Variants in SYN2 observed in about 807,000 individuals in gnomAD.
The protein encoded by SYN2 is synapsin II, also known as synapsin-2.
In SYN2, 19 loss-of-function variants were observed where a neutral mutation model predicts 50.9. The ratio of observed to expected loss-of-function variants is 0.37; its 90% confidence interval spans 0.26 to 0.55. SYN2 has a LOEUF of 0.55. Among genes scored for constraint, SYN2 ranks in the 20% least tolerant of loss-of-function variants. The pLI is 0.81. For missense variants in SYN2, 587 were observed against 576.4 expected, an observed-to-expected ratio of 1.02 and a Z score of -0.19; for synonymous variants, 255 against 224.9, an observed-to-expected ratio of 1.13 and a Z score of -1.20.
chr3:12,149,040 G>T (rs1047100860), intron 4 of SYN2, among the ~76,000 whole-genome samples: 8 of 152,310 alleles, frequency 5.3e-5, no homozygotes, highest in African/African-American at 1.7e-4. Flanking sequence ...AGCAGACAGG[G>T]ACTGCTGGAG....
intron 2 of SYN2, 37 bp from the exon 3 acceptor site, chr3:12,141,868 A>C: frequency 2.6e-6 from 2 of 780,382 alleles, no homozygotes; most frequent in Admixed American, 1.7e-5. Flanking sequence ...TGGTGAAGTC[A>C]GGATTGTGAA....
rs1559397147 is a variant in SYN2 at position 12,044,209 on chromosome 3, A to ACACACC, written c.377+39286_377+39287insCCACAC. On this transcript the variant is annotated intron_variant, in intron 1 of 12. Transcript: ENST00000621198. ...CACACACACACACACACACACACAC[A>ACACACC]CACACACACACACAGGTGTGAGGAG... Among the ~76,000 whole-genome samples, 6 of 134,142 alleles carry ACACACC rather than the reference A, an allele frequency of 4.5e-5. No homozygotes were observed. The East Asian group carries it at 8.0e-4, about 18-fold the overall frequency. The allele number at this position is 134,142 out of a possible 152,430, so 88.0% of individuals were successfully genotyped here.
At chr3:12,182,309 T>A (rs1319712576) in intron 10 of SYN2, among the ~76,000 whole-genome samples, 1 of 152,176 alleles carries the variant, frequency 6.6e-6, no homozygotes, top group African/African-American at 2.4e-5. Flanking sequence ...CATGCTTGTT[T>A]TTAGCCACCG....
chr3:12,120,052 TA>T (rs200432548), intron 1 of SYN2, among the ~76,000 whole-genome samples: 19 of 149,970 alleles, frequency 1.3e-4, no homozygotes, highest in Admixed American at 2.7e-4. Flanking sequence ...TAAAGCTGGT[TA>T]AAAAAAAAAT....
chr3:12,132,033 T>TC (rs1696806949), intron 1 of SYN2, among the ~76,000 whole-genome samples: 1 of 138,608 alleles, frequency 7.2e-6, no homozygotes, highest in African/African-American at 3.1e-5. Context: ...TTCTTTTTTT[T>TC]CTTTTTTTTT....
rs1266111966 is a variant in SYN2 at position 12,167,458 on chromosome 3, G to A, written c.1055+150G>A. ...AAGGCCCAAGTAGCCCATTTAGCAA[G>A]ATCAGGCAGGACTGATGATAGAGAA... is the stretch of plus-strand genomic sequence containing the variant. On this transcript the variant is annotated intron_variant, in intron 8 of 12. Transcript: ENST00000621198. The A allele has an allele frequency of 6.8e-6, 5 of 734,716 alleles. No homozygotes were observed. The East Asian group carries it at 1.1e-4, about 16-fold the overall frequency. 45.5% of individuals were successfully genotyped at this position (734,716 alleles called of 1,614,324 possible).
chr3:12,118,434 T>C (rs1245706866), intron 1 of SYN2, among the ~76,000 whole-genome samples: 1 of 152,128 alleles, frequency 6.6e-6, no homozygotes, highest in Non-Finnish European at 1.5e-5. Context: ...TACAAACACA[T>C]GTGGAAAGAA....
chr3:12,077,318 T>A (rs933108970), intron 1 of SYN2, among the ~76,000 whole-genome samples: 22 of 151,988 alleles, frequency 1.4e-4, no homozygotes, highest in Middle Eastern at 3.4e-3. Context: ...TAAAAAAAAA[T>A]TATTTTTCTT....
At chr3:12,097,943 A>G (rs1695977571) in intron 1 of SYN2, among the ~76,000 whole-genome samples, 1 of 152,164 alleles carries the variant, frequency 6.6e-6, no homozygotes, top group South Asian at 2.1e-4. Context: ...AGCATGGCAC[A>G]TGTATACATA....
At chr3:12,014,951 A>T (rs1480392357) in intron 1 of SYN2, among the ~76,000 whole-genome samples, 1 of 152,262 alleles carries the variant, frequency 6.6e-6, no homozygotes, top group East Asian at 1.9e-4. Flanking sequence ...TTGGAGAACC[A>T]AAACATCATT....
chr3:12,169,167 T>A (rs754069469), intron 9 of SYN2, among the ~76,000 whole-genome samples: 1 of 152,180 alleles, frequency 6.6e-6, no homozygotes, highest in Non-Finnish European at 1.5e-5. Context: ...TTCTCATCCA[T>A]AATTGAGAAA....
At chr3:12,100,111 G>A (rs187715481) in intron 1 of SYN2, among the ~76,000 whole-genome samples, 28 of 152,166 alleles carry the variant, frequency 1.8e-4, no homozygotes, top group African/African-American at 2.9e-4. Context: ...AACCTGTGCA[G>A]TTTTTTATTG....
chr3:12,004,439 G>T lies in SYN2; in HGVS notation c.-113G>T. On this transcript the variant is annotated 5_prime_UTR_variant, in exon 1 of 13. Coordinates refer to ENST00000621198, the MANE Select transcript of SYN2 (RefSeq NM_133625.6). Reference sequence around the variant, plus strand: ...TGGTGCCGGGGCCTGAGTCTCTGCTGGCTAAGCCGCCGCCTCAGCCGCCTC... The same window carrying T: ...TGGTGCCGGGGCCTGAGTCTCTGCTTGCTAAGCCGCCGCCTCAGCCGCCTC... 3.3e-6 allele frequency: 1 copy of T among 304,362 alleles called. No individual in the cohort carries two copies. The highest frequency in any genetic ancestry group is 6.4e-6 in the Non-Finnish European group (1 of 157,060). The allele number at this position is 304,362 out of a possible 1,614,324, so 18.9% of individuals were successfully genotyped here. A position where few individuals can be genotyped will look rare whatever the true frequency, so the allele number is the denominator to read the frequency against.
intron 1 of SYN2, among the ~76,000 whole-genome samples, chr3:12,132,512 C>T (rs17670862): frequency 0.045 from 6,905 of 152,224 alleles, 225 homozygotes; most frequent in Middle Eastern, 0.1. Context: ...TGTAGGGTCA[C>T]TCAGTGTTTG....
intron 1 of SYN2, among the ~76,000 whole-genome samples, chr3:12,078,286 T>C (rs891097344): frequency 1.3e-5 from 2 of 152,220 alleles, no homozygotes; most frequent in South Asian, 2.1e-4. Context: ...GTGATTATAG[T>C]TTTTTGCTGT....
intron 1 of SYN2, among the ~76,000 whole-genome samples, chr3:12,138,924 A>G (rs1390129267): frequency 6.6e-6 from 1 of 152,226 alleles, no homozygotes; most frequent in Non-Finnish European, 1.5e-5. Flanking sequence ...CAGAGAAGTG[A>G]TAGTGCCATA....
chr3:12,169,101 C>T (rs763428923), intron 9 of SYN2, among the ~76,000 whole-genome samples: 7 of 152,334 alleles, frequency 4.6e-5, no homozygotes, highest in Non-Finnish European at 5.9e-5. Flanking sequence ...TCATTTCCTG[C>T]ATGGTCTATA....
intron 1 of SYN2, among the ~76,000 whole-genome samples, chr3:12,089,733 A>T (rs1695784794): frequency 6.6e-6 from 1 of 152,102 alleles, no homozygotes; most frequent in Non-Finnish European, 1.5e-5. Context: ...GCCTCTAGGG[A>T]GCCTGAAGGC....
chr3:12,127,388 G>T (rs149596429), intron 1 of SYN2, among the ~76,000 whole-genome samples: 1 of 152,158 alleles, frequency 6.6e-6, no homozygotes, highest in Non-Finnish European at 1.5e-5. Context: ...CTTTCCCACC[G>T]TGTGATCTTG....
Sources: allele counts gnomAD v4.1 joint callset (sites outside exome capture counted in the v4.1 genomes callset), GRCh38; gene constraint gnomAD v4.1.1; transcripts MANE v1.5; gene names NCBI Gene and HGNC (gene_info 2026-07-23, HGNC 2026-07-21).